Variants in SAR1B observed in about 807,000 individuals in gnomAD.
SAR1B encodes the protein secretion associated Ras related GTPase 1B, also known as small COPII coat GTPase SAR1B.
Under a neutral mutation model 26.8 loss-of-function variants are expected in SAR1B, and 23 were observed. The observed-to-expected ratio is 0.86, with a 90% CI of 0.62 to 1.22. SAR1B has a LOEUF of 1.22. Among genes scored for constraint, SAR1B ranks in the 50% most tolerant of loss-of-function variants. The probability of loss-of-function intolerance (pLI) is 0.00; values close to 1 mark genes in which losing one functional copy is unlikely to be tolerated. For missense variants in SAR1B, 196 were observed against 232.8 expected (o/e 0.84, Z 1.03); for synonymous variants, 65 against 80.8 (o/e 0.80, Z 1.05).
In SAR1B at chr5:134,606,149, A is replaced by G. The variant is rs1225425074; in HGVS notation, c.*801T>C. On this transcript the variant is annotated 3_prime_UTR_variant, in exon 7 of 7. Coordinates refer to ENST00000402673, the MANE Select transcript of SAR1B (RefSeq NM_016103.4). ...AAATGTGCTTTTCTTCAGAAGGCCA[A>G]TCCCACAGGGACTAGGACACAGACC... The G allele has an allele frequency of 2.0e-5, 3 of 152,278 alleles. No homozygotes were observed. Among genetic ancestry groups the G allele is most frequent in the Non-Finnish European group, 2.9e-5 (2 of 68,128 alleles). The allele number at this position is 152,278 out of a possible 1,614,324, so 9.4% of individuals were successfully genotyped here.
chr5:134,609,761 G>A (rs1451058529), intron 4 of SAR1B, 87 bp from the exon 5 acceptor site: 8 of 975,850 alleles, frequency 8.2e-6, no homozygotes, highest in African/African-American at 1.6e-5. Context: ...GATATCAAGT[G>A]CGGTAATCCC....
chr5:134,609,531 G>T, intron 5 of SAR1B, 40 bp downstream of exon 5: 1 of 1,509,114 alleles, frequency 6.6e-7, no homozygotes, highest in Non-Finnish European at 9.2e-7. Context: ...AGGCTTACCA[G>T]AGTGATTTGA....
At chr5:134,615,874 T>TGA (rs1561786204) in intron 3 of SAR1B, among the ~76,000 whole-genome samples, 1 of 144,434 alleles carries the variant, frequency 6.9e-6, no homozygotes, top group African/African-American at 2.6e-5. Context: ...CAGTGGCTCA[T>TGA]GCCTCTAATC....
intron 1 of SAR1B, among the ~76,000 whole-genome samples, chr5:134,630,893 T>C (rs1373984969): frequency 2.9e-5 from 4 of 138,202 alleles, no homozygotes; most frequent in East Asian, 2.0e-4. Context: ...TTTTTTCTTT[T>C]TTTTTTTTTT....
intron 1 of SAR1B, among the ~76,000 whole-genome samples, chr5:134,626,576 A>G (rs1374626249): frequency 1.3e-5 from 2 of 152,194 alleles, no homozygotes; most frequent in African/African-American, 4.8e-5. Flanking sequence ...TATTGCACCA[A>G]TACCAAACAG....
intron 1 of SAR1B, among the ~76,000 whole-genome samples, chr5:134,629,724 CAAA>C (rs996356089): frequency 7.0e-6 from 1 of 142,490 alleles, no homozygotes; most frequent in Non-Finnish European, 1.5e-5. Flanking sequence ...AACAAACAAA[CAAA>C]AAAAAACAAT....
intron 3 of SAR1B, chr5:134,614,567 C>T (rs921715918): frequency 2.0e-5 from 3 of 152,236 alleles, no homozygotes; most frequent in African/African-American, 7.2e-5. Context: ...AGCATTCTTA[C>T]AATTGTTCTT....
chr5:134,631,191 AG>A (rs961663202), intron 1 of SAR1B, among the ~76,000 whole-genome samples: 8 of 152,036 alleles, frequency 5.3e-5, no homozygotes, highest in African/African-American at 1.7e-4. Context: ...CAATAATGCA[AG>A]TCAAAGGAAG....
At chr5:134,612,552 T>G (rs1765231550) in intron 4 of SAR1B, 139 bp downstream of exon 4, 41 of 779,632 alleles carry the variant, frequency 5.3e-5, no homozygotes, top group Non-Finnish European at 5.5e-5. Context: ...GGCTGAGGCA[T>G]GAGGATTGCT....
intron 1 of SAR1B, among the ~76,000 whole-genome samples, chr5:134,624,624 AG>A (rs1168554234): frequency 8.2e-6 from 1 of 121,548 alleles, no homozygotes; most frequent in Admixed American, 9.6e-5. Context: ...AAGGGAAGTG[AG>A]TTTTTTTTTT....
Position 134,624,137 on chromosome 5 carries a change from G to A in SAR1B, c.-18-100C>T. 4.0e-6 allele frequency: 3 copies of A among 748,422 alleles called. No homozygotes were observed. In the East Asian group the frequency reaches 7.7e-5, roughly 19 times the overall value. 46.4% of individuals were successfully genotyped at this position (748,422 alleles called of 1,614,324 possible). A position where few individuals can be genotyped will look rare whatever the true frequency, so the allele number is the denominator to read the frequency against. On this transcript the variant is annotated intron_variant, in intron 1 of 6. Coordinates refer to ENST00000402673, the MANE Select transcript of SAR1B (RefSeq NM_016103.4). ...CCAACTCTGAGTAGATAATCCTACA[G>A]CAACTTTACTACAAAGAGTTACACA... is the stretch of plus-strand genomic sequence containing the variant.
rs186534747 is a variant in SAR1B at position 134,615,543 on chromosome 5, C to T, written c.179-2787G>A. Among the ~76,000 whole-genome samples, 318 of 151,336 alleles carry T rather than the reference C, an allele frequency of 2.1e-3. 1 individual carries two copies. Among genetic ancestry groups the T allele is most frequent in the African/African-American group, 7.3e-3 (302 of 41,236 alleles). The stretch of plus-strand genomic sequence containing the variant: ...ATAAGAAGAAATTCTGGGCCGGGGG[C>T]GGTGGCTCACGCCTGTAATCCCAGC... On this transcript the variant is annotated intron_variant, in intron 3 of 6. Coordinates refer to ENST00000402673, the MANE Select transcript of SAR1B (RefSeq NM_016103.4).
At position 134,602,339 on chromosome 5, in the gene SAR1B, C is replaced by CT. The variant is rs1765047363; in HGVS notation, c.*4610dup. The CT allele has an allele frequency of 6.6e-6, 1 of 152,184 alleles. No individual in the cohort carries two copies. The highest frequency in any genetic ancestry group is 2.1e-4 in the South Asian group (1 of 4,830). The allele number at this position is 152,184 out of a possible 1,614,324, so 9.4% of individuals were successfully genotyped here. ...AAAATTAATTGGTTCAGAACTGCCT[C>CT]TTTAATAGACTCTGTGGCTTCCCTT... is the stretch of plus-strand genomic sequence containing the variant. On this transcript the variant is annotated 3_prime_UTR_variant, in exon 7 of 7. Coordinates refer to ENST00000402673, the MANE Select transcript of SAR1B (RefSeq NM_016103.4).
intron 4 of SAR1B, among the ~76,000 whole-genome samples, chr5:134,611,816 A>G (rs1392234793): frequency 1.3e-5 from 2 of 152,174 alleles, no homozygotes; most frequent in South Asian, 2.1e-4. Context: ...GAAAACACCA[A>G]GAAGGTCTGA....
At chr5:134,614,603 A>C (rs1765277432) in intron 3 of SAR1B, 1 of 152,194 alleles carries the variant, frequency 6.6e-6, no homozygotes, top group South Asian at 2.1e-4. Context: ...AGCTTTACCC[A>C]TTGCATGCAC....
chr5:134,610,948 CAG>C (rs1765202127), intron 4 of SAR1B, among the ~76,000 whole-genome samples: 1 of 151,106 alleles, frequency 6.6e-6, no homozygotes, highest in Non-Finnish European at 1.5e-5. Flanking sequence ...ACTGCAACCT[CAG>C]ACTCTTGAGC....
intron 3 of SAR1B, among the ~76,000 whole-genome samples, chr5:134,619,112 C>T (rs1162300375): frequency 1.3e-5 from 2 of 151,470 alleles, no homozygotes; most frequent in Non-Finnish European, 2.9e-5. Flanking sequence ...GGCGGATCAT[C>T]TGAGGTCGGG....
chr5:134,609,550 A>C (rs980107503), intron 5 of SAR1B, 21 bp downstream of exon 5: 4 of 1,576,764 alleles, frequency 2.5e-6, no homozygotes. Flanking sequence ...GACTATATTT[A>C]GTTTCAGTTA....
intron 3 of SAR1B, among the ~76,000 whole-genome samples, chr5:134,616,840 T>TG (rs1191188414): frequency 6.6e-6 from 1 of 152,324 alleles, no homozygotes; most frequent in African/African-American, 2.4e-5. Context: ...AATGTATCAG[T>TG]GGTTTATTCA....
Sources: gnomAD v4.1 joint callset for allele counts (sites outside exome capture counted in the v4.1 genomes callset) on GRCh38, gnomAD v4.1.1 for gene constraint, MANE v1.5 for transcripts, NCBI Gene and HGNC (gene_info 2026-07-23, HGNC 2026-07-21) for gene names.